TRAPPC9: variants seen among roughly 807,000 people sequenced by gnomAD.
TRAPPC9 encodes the protein IKK2 binding protein.
In TRAPPC9, 83 loss-of-function variants were observed where a neutral mutation model predicts 124.0. The ratio of observed to expected loss-of-function variants is 0.67; its 90% CI spans 0.56 to 0.80. The LOEUF (loss-of-function observed/expected upper bound fraction) is 0.80, where lower values mean the gene tolerates loss of function less well. Among genes scored for constraint, TRAPPC9 ranks in the 30% least tolerant of loss-of-function variants. The pLI is 0.00. For missense variants in TRAPPC9, 1,302 were observed against 1,508.3 expected (o/e 0.86, Z 2.27); for synonymous variants, 638 against 617.5 (o/e 1.03, Z -0.49).
chr8:140,457,790 C>CT, upstream of TRAPPC9: 1 of 1,022,124 alleles, frequency 9.8e-7, no homozygotes, highest in Non-Finnish European at 1.2e-6. Context: ...GAGGCCAGGC[C>CT]TGGGCCCCCG....
chr8:140,453,051 C>G (rs1468356988), intron 1 of TRAPPC9, among the ~76,000 whole-genome samples: 1 of 152,150 alleles, frequency 6.6e-6, no homozygotes, highest in African/African-American at 2.4e-5. Context: ...TTATTTCTGA[C>G]AAATGCACAT....
At chr8:140,004,414 C>T (rs1838615749) in intron 18 of TRAPPC9, among the ~76,000 whole-genome samples, 1 of 152,100 alleles carries the variant, frequency 6.6e-6, no homozygotes, top group African/African-American at 2.4e-5. Context: ...GTTTGAAGGA[C>T]CACAGTGCAT....
intron 21 of TRAPPC9, among the ~76,000 whole-genome samples, chr8:139,746,503 C>T (rs1261533431): frequency 6.6e-6 from 1 of 152,112 alleles, no homozygotes; most frequent in Non-Finnish European, 1.5e-5. Flanking sequence ...GTAGGGGAGC[C>T]CCTAGGGGTG....
intron 21 of TRAPPC9, among the ~76,000 whole-genome samples, chr8:139,879,974 T>C (rs1173946941): frequency 6.6e-6 from 1 of 152,126 alleles, no homozygotes; most frequent in Non-Finnish European, 1.5e-5. Flanking sequence ...GCCAAGATCG[T>C]TCCATGGGGT....
chr8:140,150,729 C>A (rs1015128852), intron 17 of TRAPPC9, among the ~76,000 whole-genome samples: 11 of 152,112 alleles, frequency 7.2e-5, no homozygotes, highest in Admixed American at 2.6e-4. Context: ...GAAGATGAAC[C>A]TAGGAAGAAA....
chr8:140,075,619 T>TATATTA (rs1843461390), intron 17 of TRAPPC9, among the ~76,000 whole-genome samples: 1 of 152,238 alleles, frequency 6.6e-6, no homozygotes, highest in Non-Finnish European at 1.5e-5. Context: ...CCAACATTTG[T>TATATTA]TAAGCATGTA....
At chr8:140,266,014 T>A (rs894708041) in intron 15 of TRAPPC9, among the ~76,000 whole-genome samples, 33 of 152,376 alleles carry the variant, frequency 2.2e-4, no homozygotes, top group Middle Eastern at 3.4e-3. Context: ...TATATGTTTC[T>A]ATTTGTATCA....
At chr8:139,989,273 G>A (rs894590120) in intron 18 of TRAPPC9, among the ~76,000 whole-genome samples, 2 of 151,962 alleles carry the variant, frequency 1.3e-5, no homozygotes, top group Non-Finnish European at 2.9e-5. Flanking sequence ...CAGGTTCCAC[G>A]CTGGGCCCTG....
At chr8:140,293,018 A>C (rs1363730710) in intron 11 of TRAPPC9, among the ~76,000 whole-genome samples, 4 of 147,790 alleles carry the variant, frequency 2.7e-5, no homozygotes, top group Non-Finnish European at 5.9e-5. Context: ...CAAATTTACA[A>C]GAAAAAAACA....
At chr8:139,874,807 G>A (rs1443090786) in intron 21 of TRAPPC9, among the ~76,000 whole-genome samples, 1 of 152,194 alleles carries the variant, frequency 6.6e-6, no homozygotes, top group Non-Finnish European at 1.5e-5. Context: ...CTCCAGGTAG[G>A]AGAACAACAA....
chr8:140,304,093 A>ATT (rs549536451), intron 10 of TRAPPC9, among the ~76,000 whole-genome samples: 47 of 140,878 alleles, frequency 3.3e-4, no homozygotes, highest in African/African-American at 8.3e-4. Context: ...GCCTGACTTA[A>ATT]TTTTTTTTTT....
At chr8:140,148,871 A>G (rs2061499358) in intron 17 of TRAPPC9, among the ~76,000 whole-genome samples, 1 of 152,098 alleles carries the variant, frequency 6.6e-6, no homozygotes, top group African/African-American at 2.4e-5. Flanking sequence ...CAGTTTTTCT[A>G]TTTGTTGTTG....
rs551955292 is a variant in TRAPPC9 at position 140,449,187 on chromosome 8, G to A, written c.584+1603C>T. On this transcript the variant is annotated intron_variant, in intron 2 of 22. Transcript: ENST00000438773. Reference sequence around the variant, plus strand: ...ACTTACCAACAACCAGAACGACACCGTGTGACCTTAGATAAATTTCAGAAA... The same window carrying A: ...ACTTACCAACAACCAGAACGACACCATGTGACCTTAGATAAATTTCAGAAA... Among the ~76,000 whole-genome samples the A allele has an allele frequency of 5.9e-5, 9 of 152,300 alleles. No individual in the cohort carries two copies. The South Asian group carries it at 1.4e-3, about 25-fold the overall frequency.
chr8:140,219,153 C>T (rs552876648), intron 17 of TRAPPC9, among the ~76,000 whole-genome samples: 4 of 152,156 alleles, frequency 2.6e-5, no homozygotes, highest in Admixed American at 1.3e-4. Context: ...CCAGTGAAAC[C>T]GTTTCTATAA....
At chr8:139,767,942 G>A in intron 21 of TRAPPC9, among the ~76,000 whole-genome samples, 1 of 152,324 alleles carries the variant, frequency 6.6e-6, no homozygotes, top group South Asian at 2.1e-4. Flanking sequence ...CTCACAAGTA[G>A]CAAACAGCCT....
intron 17 of TRAPPC9, among the ~76,000 whole-genome samples, chr8:140,184,950 T>C (rs1172116259): frequency 6.6e-6 from 1 of 152,198 alleles, no homozygotes; most frequent in Admixed American, 6.5e-5. Flanking sequence ...ATTTTAGATT[T>C]GCAAAGAAGC....
intron 19 of TRAPPC9, among the ~76,000 whole-genome samples, chr8:139,950,781 A>C (rs1475407997): frequency 6.6e-6 from 1 of 152,236 alleles, no homozygotes; most frequent in Non-Finnish European, 1.5e-5. Context: ...CAATTCAATT[A>C]GGCTACAAGA....
chr8:139,914,056 G>A (rs1004637153), intron 19 of TRAPPC9: 3 of 152,374 alleles, frequency 2.0e-5, no homozygotes, highest in African/African-American at 7.2e-5. Flanking sequence ...CAAGGCCTGC[G>A]TGATGGAAGG....
rs1307480035 is a variant in TRAPPC9 at position 140,300,266 on chromosome 8, C to CACATATGCACGCATGCACACAT, written c.1768+181_1768+202dup. 4.4e-3 allele frequency among the ~76,000 whole-genome samples: 627 copies of CACATATGCACGCATGCACACAT among 142,786 alleles called. 7 individuals are homozygous for CACATATGCACGCATGCACACAT. The highest frequency in any genetic ancestry group is 0.019 in the African/African-American group (612 of 32,840). 93.7% of individuals were successfully genotyped at this position (142,786 alleles called of 152,430 possible). A position where few individuals can be genotyped will look rare whatever the true frequency, so the allele number is the denominator to read the frequency against. On this transcript the variant is annotated intron_variant, in intron 11 of 22. Coordinates refer to ENST00000438773, the MANE Select transcript of TRAPPC9 (RefSeq NM_001160372.4). ...GCACGCATGCATACACACATACACG[C>CACATATGCACGCATGCACACAT]ACATATGCACGCATGCACACATACA...
Sources: allele counts gnomAD v4.1 joint callset (sites outside exome capture counted in the v4.1 genomes callset), GRCh38; gene constraint gnomAD v4.1.1; transcripts MANE v1.5; gene names NCBI Gene and HGNC (gene_info 2026-07-23, HGNC 2026-07-21).